SLC22A25: variants seen among roughly 807,000 people sequenced by gnomAD.
SLC22A25 encodes MGI:2442751, MGI:2385316, MGI:3042283, MGI:3645714, MGI:3605624, MGI:2442750.
Under a neutral mutation model 45.9 loss-of-function variants are expected in SLC22A25, and 44 were observed. The observed-to-expected ratio is 0.96, with a 90% CI of 0.75 to 1.23. The LOEUF (loss-of-function observed/expected upper bound fraction) is 1.23, where lower values mean the gene tolerates loss of function less well. SLC22A25 is among the 50% of genes most tolerant of loss of function. The pLI is 0.00. For missense variants in SLC22A25, 800 were observed against 666.4 expected, an observed-to-expected ratio of 1.20 and a Z score of -2.21; for synonymous variants, 283 against 238.6, an observed-to-expected ratio of 1.19 and a Z score of -1.72.
intron 9 of SLC22A25, among the ~76,000 whole-genome samples, chr11:63,171,312 G>A (rs1299069479): frequency 6.6e-6 from 1 of 152,218 alleles, no homozygotes; most frequent in South Asian, 2.1e-4. Flanking sequence ...TTCTGGCCAC[G>A]GTAACCAGGC....
intron 5 of SLC22A25, among the ~76,000 whole-genome samples, chr11:63,219,495 C>A (rs1354847433): frequency 6.6e-6 from 1 of 152,106 alleles, no homozygotes; most frequent in African/African-American, 2.4e-5. Flanking sequence ...TTCTTCATTC[C>A]TTTTTCTGTA....
intron 9 of SLC22A25, 132 bp from the exon 10 acceptor site, chr11:63,166,390 T>C: frequency 6.9e-7 from 1 of 1,450,840 alleles, no homozygotes; most frequent in Non-Finnish European, 9.1e-7. Context: ...TGGAATATTT[T>C]CTTGCAAGTT....
intron 9 of SLC22A25, among the ~76,000 whole-genome samples, chr11:63,173,002 A>G (rs2087945090): frequency 6.6e-6 from 1 of 152,168 alleles, no homozygotes; most frequent in African/African-American, 2.4e-5. Flanking sequence ...GATAAAGAAA[A>G]TGTGGCACAT....
chr11:63,189,872 C>T (rs1393640393), intron 7 of SLC22A25, among the ~76,000 whole-genome samples: 2 of 152,084 alleles, frequency 1.3e-5, no homozygotes, highest in African/African-American at 2.4e-5. Context: ...GAATATTGGC[C>T]CCCACTCTCT....
intron 9 of SLC22A25, among the ~76,000 whole-genome samples, chr11:63,178,526 C>T: frequency 6.7e-6 from 1 of 150,098 alleles, no homozygotes; most frequent in South Asian, 2.1e-4. Context: ...GAAATAATAT[C>T]TTATTGTGGT....
chr11:63,171,666 A>G (rs1347697561), intron 9 of SLC22A25, among the ~76,000 whole-genome samples: 1 of 152,212 alleles, frequency 6.6e-6, no homozygotes, highest in Non-Finnish European at 1.5e-5. Flanking sequence ...AGAGGACACA[A>G]ACAAATGGAA....
intron 7 of SLC22A25, among the ~76,000 whole-genome samples, chr11:63,207,250 A>G (rs2089431611): frequency 6.6e-6 from 1 of 152,228 alleles, no homozygotes; most frequent in Non-Finnish European, 1.5e-5. Flanking sequence ...AATGGCAACA[A>G]AAGCCAAAAT....
intron 10 of SLC22A25, among the ~76,000 whole-genome samples, chr11:63,165,055 C>T (rs1341136862): frequency 6.6e-6 from 1 of 152,042 alleles, no homozygotes; most frequent in Non-Finnish European, 1.5e-5. Context: ...CAGATATATA[C>T]ACAATATTGA....
intron 7 of SLC22A25, among the ~76,000 whole-genome samples, chr11:63,212,113 A>G (rs1019677775): frequency 1.3e-5 from 2 of 152,184 alleles, no homozygotes; most frequent in African/African-American, 2.4e-5. Flanking sequence ...CAAAACCACA[A>G]TGAGATACCG....
chr11:63,222,018 T>C (rs917572499), intron 5 of SLC22A25, among the ~76,000 whole-genome samples: 3 of 152,162 alleles, frequency 2.0e-5, no homozygotes, highest in Admixed American at 1.3e-4. Flanking sequence ...TACATCTTGT[T>C]TTGGTTACGA....
chr11:63,159,504 C>T lies in SLC22A25; in HGVS notation c.*4320G>A, dbSNP rs1362859550. ...CTGCTGCCATGTAAGTTGTGCCTTT[C>T]ACCTTCTGCCGTGATTGTGAGGCTT... On this transcript the variant is annotated 3_prime_UTR_variant, in exon 12 of 12. Transcript: ENST00000306494. Among the ~76,000 whole-genome samples, 1 of 152,210 alleles carries T rather than the reference C, an allele frequency of 6.6e-6. No individual in the cohort carries two copies. Among genetic ancestry groups the T allele is most frequent in the Non-Finnish European group, 1.5e-5 (1 of 68,042 alleles).
chr11:63,211,122 C>T (rs952653075), intron 7 of SLC22A25, among the ~76,000 whole-genome samples: 4 of 152,054 alleles, frequency 2.6e-5, no homozygotes, highest in African/African-American at 9.7e-5. Flanking sequence ...CTGAGGAAAA[C>T]CCCCCTGGAC....
In SLC22A25 at chr11:63,166,148, C is replaced by A; in HGVS notation, c.1181G>T (p.Cys394Phe). Residue 394 changes from cysteine (C) to phenylalanine (F), a missense_variant, in exon 10 of 12, where the codon TGT becomes TTT. By Grantham distance (205) the Cys-to-Phe change is radical (BLOSUM62 -2). Transcript: ENST00000306494. ...LFGAVTLLAN[C>F]VAPWALNHMS... ...GTGATTCAGTGCCCAAGGTGCAACA[C>A]AATTGGCCAGGAGGGTGACTGCACC... is the stretch of plus-strand genomic sequence containing the variant. The A allele has an allele frequency of 6.2e-7, 1 of 1,614,042 alleles. No individual in the cohort carries two copies. Among genetic ancestry groups the A allele is most frequent in the Non-Finnish European group, 8.5e-7 (1 of 1,179,972 alleles).
At chr11:63,202,080 G>A (rs1018899285) in intron 7 of SLC22A25, among the ~76,000 whole-genome samples, 3 of 152,104 alleles carry the variant, frequency 2.0e-5, no homozygotes, top group Admixed American at 2.0e-4. Flanking sequence ...GAAGCCATGA[G>A]GGACTGTGCT....
intron 9 of SLC22A25, among the ~76,000 whole-genome samples, chr11:63,175,825 G>GTGTATA (rs36011311): frequency 1.9e-3 from 291 of 150,332 alleles, no homozygotes; most frequent in African/African-American, 6.7e-3. Context: ...AATTGGGTGT[G>GTGTATA]TATATATATA....
At chr11:63,165,644 T>C (rs2087653520) in intron 10 of SLC22A25, among the ~76,000 whole-genome samples, 1 of 152,166 alleles carries the variant, frequency 6.6e-6, no homozygotes, top group East Asian at 1.9e-4. Context: ...GAAGCTGTAG[T>C]GGTAAGAAAG....
intron 9 of SLC22A25, among the ~76,000 whole-genome samples, chr11:63,169,173 T>C (rs1222796622): frequency 2.0e-5 from 3 of 152,126 alleles, no homozygotes; most frequent in Admixed American, 1.3e-4. Flanking sequence ...AAGGAAGCAC[T>C]AAATATGGGA....
intron 8 of SLC22A25, among the ~76,000 whole-genome samples, chr11:63,182,795 G>A (rs545522494): frequency 6.6e-6 from 1 of 152,214 alleles, no homozygotes; most frequent in African/African-American, 2.4e-5. Flanking sequence ...CATTGACCAT[G>A]TCTTAAGAGA....
intron 7 of SLC22A25, among the ~76,000 whole-genome samples, chr11:63,195,171 C>G (rs774437759): frequency 6.6e-6 from 1 of 152,042 alleles, no homozygotes; most frequent in Non-Finnish European, 1.5e-5. Context: ...TTTAACACCC[C>G]ACTGTCAACA....
Sources: gnomAD v4.1 joint callset for allele counts (sites outside exome capture counted in the v4.1 genomes callset) on GRCh38, gnomAD v4.1.1 for gene constraint, MANE v1.5 for transcripts, NCBI Gene and HGNC (gene_info 2026-07-23, HGNC 2026-07-21) for gene names.